The following SYBU variants were observed in gnomAD, a reference collection of about 807,000 sequenced individuals.
SYBU encodes syntabulin, also known as GOLSYN A protein.
SYBU carries 21 observed loss-of-function variants against 35.9 expected under a neutral mutation model. The observed-to-expected ratio is 0.58, with a 90% confidence interval of 0.41 to 0.84. The LOEUF (loss-of-function observed/expected upper bound fraction) is 0.84, where lower values mean the gene tolerates loss of function less well. Among genes scored for constraint, SYBU ranks in the 40% least tolerant of loss-of-function variants. The pLI is 0.00. For missense variants in SYBU, 768 were observed against 848.2 expected, an observed-to-expected ratio of 0.91 and a Z score of 1.17; for synonymous variants, 319 against 324.3, an observed-to-expected ratio of 0.98 and a Z score of 0.18.
intron 3 of SYBU, among the ~76,000 whole-genome samples, chr8:109,611,360 CA>C (rs1811147297): frequency 1.3e-5 from 2 of 152,174 alleles, no homozygotes; most frequent in African/African-American, 4.8e-5. Context: ...GGCCATTTGG[CA>C]CCATTACATC....
chr8:109,643,774 C>G (rs73321006), intron 1 of SYBU: 19,867 of 315,218 alleles, frequency 0.063, 2,611 homozygotes, highest in African/African-American at 0.33. Context: ...ACATAGAGAG[C>G]ACACCAATGA....
In SYBU at chr8:109,574,339, T is replaced by C. The variant is rs2131152592; in HGVS notation, c.*567A>G. 1 of 152,666 alleles carries C rather than the reference T, an allele frequency of 6.6e-6. No individual in the cohort carries two copies. Among genetic ancestry groups the C allele is most frequent in the South Asian group, 2.1e-4 (1 of 4,826 alleles). 9.5% of individuals were successfully genotyped at this position (152,666 alleles called of 1,614,324 possible). A position where few individuals can be genotyped will look rare whatever the true frequency, so the allele number is the denominator to read the frequency against. ...TATGCACAGTTTCATCAATTAACAG[T>C]TTAAGAACAAACAAGCCATTTAAGA... On this transcript the variant is annotated 3_prime_UTR_variant, in exon 7 of 7. Coordinates refer to ENST00000276646, the MANE Select transcript of SYBU (RefSeq NM_001099754.2).
At chr8:109,640,490 T>C (rs947932154) in intron 2 of SYBU, among the ~76,000 whole-genome samples, 1 of 152,172 alleles carries the variant, frequency 6.6e-6, no homozygotes, top group Non-Finnish European at 1.5e-5. Context: ...CACAAAGCTC[T>C]GTCAGTTTGA....
intron 3 of SYBU, among the ~76,000 whole-genome samples, chr8:109,598,797 T>A (rs1825176168): frequency 6.6e-6 from 1 of 152,266 alleles, no homozygotes; most frequent in South Asian, 2.1e-4. Context: ...AATGGCTTGT[T>A]ATGTTCACAC....
chr8:109,665,350 A>T (rs1272303070), intron 1 of SYBU, among the ~76,000 whole-genome samples: 1 of 152,208 alleles, frequency 6.6e-6, no homozygotes. Context: ...CGTGTGCCTC[A>T]TACTACCACA....
At chr8:109,688,140 T>G (rs1190060061) in intron 1 of SYBU, among the ~76,000 whole-genome samples, 1 of 152,194 alleles carries the variant, frequency 6.6e-6, no homozygotes, top group African/African-American at 2.4e-5. Context: ...CTATAATATA[T>G]ATTTATTTGT....
chr8:109,633,125 A>G (rs918383182), intron 2 of SYBU, among the ~76,000 whole-genome samples: 4 of 152,216 alleles, frequency 2.6e-5, no homozygotes, highest in Admixed American at 6.5e-5. Context: ...ATAACAGATA[A>G]GTTTTTGTTA....
intron 1 of SYBU, among the ~76,000 whole-genome samples, chr8:109,643,871 A>G (rs540651309): frequency 6.0e-4 from 92 of 152,358 alleles, no homozygotes; most frequent in South Asian, 1.5e-3. Flanking sequence ...GTAGAACGAA[A>G]TTCAAATCCA....
chr8:109,652,548 C>T (rs1398856136), intron 1 of SYBU, among the ~76,000 whole-genome samples: 3 of 152,168 alleles, frequency 2.0e-5, no homozygotes, highest in East Asian at 1.9e-4. Flanking sequence ...TCACCTAGGA[C>T]GGCATCAAGA....
chr8:109,675,892 A>T (rs1029399296), intron 1 of SYBU, among the ~76,000 whole-genome samples: 16 of 152,238 alleles, frequency 1.1e-4, no homozygotes, highest in Admixed American at 5.9e-4. Context: ...AATCCTCAAT[A>T]AAATACTGTC....
At chr8:109,605,531 C>CGA in intron 3 of SYBU, among the ~76,000 whole-genome samples, 1 of 152,156 alleles carries the variant, frequency 6.6e-6, no homozygotes, top group South Asian at 2.1e-4. Context: ...ACGTTCTTTC[C>CGA]AGGGAAAACA....
chr8:109,620,706 C>T (rs1812315838), intron 2 of SYBU, among the ~76,000 whole-genome samples: 1 of 152,044 alleles, frequency 6.6e-6, no homozygotes, highest in Non-Finnish European at 1.5e-5. Flanking sequence ...TGCGTTCTTC[C>T]TGAACTCCTG....
intron 5 of SYBU, 118 bp from the exon 6 acceptor site, chr8:109,578,135 A>ACTT (rs1822572674): frequency 8.7e-7 from 1 of 1,144,380 alleles, no homozygotes; most frequent in Non-Finnish European, 1.2e-6. Flanking sequence ...CATATGTTGA[A>ACTT]CTTCTTACCC....
chr8:109,672,602 G>T (rs1263047879), intron 1 of SYBU, among the ~76,000 whole-genome samples: 1 of 152,150 alleles, frequency 6.6e-6, no homozygotes, highest in Non-Finnish European at 1.5e-5. Context: ...AAAACTAGAT[G>T]GCTGTTTGGG....
intron 4 of SYBU, among the ~76,000 whole-genome samples, chr8:109,581,507 T>C (rs1563679975): frequency 2.0e-5 from 3 of 152,200 alleles, no homozygotes; most frequent in Non-Finnish European, 4.4e-5. Context: ...CTGACAGAGA[T>C]TTGACACCCA....
chr8:109,586,913 T>C (rs1823685666), intron 3 of SYBU, among the ~76,000 whole-genome samples: 2 of 152,168 alleles, frequency 1.3e-5, no homozygotes, highest in Admixed American at 6.5e-5. Context: ...AATATAAATA[T>C]GCTGTGCAGT....
intron 6 of SYBU, among the ~76,000 whole-genome samples, chr8:109,576,781 A>AT (rs1334524972): frequency 3.9e-5 from 6 of 152,080 alleles, no homozygotes; most frequent in African/African-American, 7.2e-5. Context: ...CTTATATATA[A>AT]TTTTTTCATA....
intron 3 of SYBU, among the ~76,000 whole-genome samples, chr8:109,600,266 T>C (rs1009739398): frequency 6.6e-6 from 1 of 152,208 alleles, no homozygotes; most frequent in African/African-American, 2.4e-5. Flanking sequence ...TAGGGATAGC[T>C]CCTCTTTCTC....
chr8:109,578,962 C>T (rs1822687761), intron 5 of SYBU, among the ~76,000 whole-genome samples: 2 of 152,182 alleles, frequency 1.3e-5, no homozygotes. Context: ...AAGACAGGCT[C>T]AATGTTTTAC....
Sources: allele counts gnomAD v4.1 joint callset (sites outside exome capture counted in the v4.1 genomes callset), GRCh38; gene constraint gnomAD v4.1.1; transcripts MANE v1.5; gene names NCBI Gene and HGNC (gene_info 2026-07-23, HGNC 2026-07-21).